SELENOF: variants seen among roughly 807,000 people sequenced by gnomAD.
SELENOF encodes selenoprotein F, also known as 15 kDa selenoprotein.
Under a neutral mutation model 20.5 loss-of-function variants are expected in SELENOF, and 16 were observed. The observed-to-expected ratio is 0.78, with a 90% CI of 0.53 to 1.19. The LOEUF (loss-of-function observed/expected upper bound fraction) is 1.19, where lower values mean the gene tolerates loss of function less well. Ranked by LOEUF, SELENOF falls within the 50% of genes most tolerant of loss-of-function variation. The pLI, the probability that SELENOF is intolerant of heterozygous loss-of-function variation, is 0.00. For missense variants in SELENOF, 215 were observed against 194.2 expected (o/e 1.11, Z -0.64); for synonymous variants, 78 against 74.5 (o/e 1.05, Z -0.24).
upstream of SELENOF, chr1:86,914,218 T>A: frequency 1.1e-6 from 1 of 928,570 alleles, no homozygotes; most frequent in Non-Finnish European, 1.8e-6. Context: ...ACATCTCTCA[T>A]TTGGAAGTGA....
At chr1:86,906,813 C>T (rs1328230393) in intron 1 of SELENOF, among the ~76,000 whole-genome samples, 2 of 152,144 alleles carry the variant, frequency 1.3e-5, no homozygotes, top group Non-Finnish European at 1.5e-5. Context: ...TGCTAACTCA[C>T]AAGATTTGAA....
chr1:86,906,779 A>G (rs1659838147), intron 1 of SELENOF, among the ~76,000 whole-genome samples: 1 of 152,212 alleles, frequency 6.6e-6, no homozygotes, highest in Non-Finnish European at 1.5e-5. Context: ...CAGACAAGCC[A>G]TCCCTGCTGT....
chr1:86,888,685 C>T (rs764021796), intron 2 of SELENOF, among the ~76,000 whole-genome samples: 29 of 152,270 alleles, frequency 1.9e-4, no homozygotes, highest in South Asian at 1.9e-3. Context: ...TTTTTTGAGA[C>T]GGAGTCTCGC....
At chr1:86,896,388 T>A (rs937252686) in intron 2 of SELENOF, among the ~76,000 whole-genome samples, 5 of 152,098 alleles carry the variant, frequency 3.3e-5, no homozygotes, top group Non-Finnish European at 5.9e-5. Flanking sequence ...CATAAGCAAG[T>A]TCAAGTGCAC....
Position 86,884,279 on chromosome 1 carries a change from T to C in SELENOF, c.253-3554A>G, listed in dbSNP as rs146825593. Among the ~76,000 whole-genome samples the C allele has an allele frequency of 2.0e-5, 3 of 152,126 alleles. No individual in the cohort carries two copies. The East Asian group carries it at 5.8e-4, about 29-fold the overall frequency. On this transcript the variant is annotated intron_variant, in intron 2 of 4. Coordinates refer to ENST00000331835, the MANE Select transcript of SELENOF (RefSeq NM_004261.5). ...AAAAGAAAATGGATGGAACTCAAAGTTGCAGAGCATTATTAAAAGTCAAAC... is the reference window on the plus strand; with the variant it reads ...AAAAGAAAATGGATGGAACTCAAAGCTGCAGAGCATTATTAAAAGTCAAAC...
At chr1:86,885,053 T>C (rs1375528142) in intron 2 of SELENOF, among the ~76,000 whole-genome samples, 1 of 152,204 alleles carries the variant, frequency 6.6e-6, no homozygotes, top group African/African-American at 2.4e-5. Context: ...TTTTAAAATA[T>C]GCGAATTTCC....
At chr1:86,914,231 G>A (rs1660077548), upstream of SELENOF, 2 of 839,812 alleles carry the variant, frequency 2.4e-6, no homozygotes, top group Non-Finnish European at 4.0e-6. Flanking sequence ...GGAAGTGACA[G>A]GTATTAAATA....
chr1:86,914,538 CG>C (rs917701695), upstream of SELENOF: 79 of 168,420 alleles, frequency 4.7e-4, no homozygotes, highest in East Asian at 9.5e-4. Context: ...CGGACCCGAA[CG>C]GGGGGAGGGG....
chr1:86,872,932 C>T (rs1271397663), intron 3 of SELENOF, among the ~76,000 whole-genome samples: 2 of 152,026 alleles, frequency 1.3e-5, no homozygotes, highest in Non-Finnish European at 2.9e-5. Context: ...CGCGGCTACT[C>T]CGGAGGCTGA....
chr1:86,869,909 T>G (rs797940), intron 3 of SELENOF, among the ~76,000 whole-genome samples: 147,569 of 151,988 alleles, frequency 0.97, 71,668 homozygotes, highest in East Asian at 1. Context: ...CAAGCAGCAG[T>G]GACTACAGAC....
At position 86,914,032 on chromosome 1, in the gene SELENOF, T is replaced by G. The variant is rs748618333; in HGVS notation, c.80A>C (p.Gln27Pro). ...GLRLLLATVL[Q>P]AVSAFGAEFS... The stretch of plus-strand genomic sequence containing the variant: ...GCGAAGGTGATCTACACTCACCGCT[T>G]GAAGCACAGTCGCCAACAACAACCG... The change falls in exon 1 of 5, where the codon CAA becomes CCA. Residue 27 changes from glutamine (Q) to proline (P), a missense_variant. By Grantham distance (76) the Gln-to-Pro change is moderately conservative. Coordinates refer to ENST00000331835, the MANE Select transcript of SELENOF (RefSeq NM_004261.5). 4 of 1,613,774 alleles carry G rather than the reference T, an allele frequency of 2.5e-6. No homozygotes were observed. The South Asian group carries it at 3.3e-5, about 13-fold the overall frequency.
chr1:86,883,944 A>G, intron 2 of SELENOF, among the ~76,000 whole-genome samples: 1 of 152,228 alleles, frequency 6.6e-6, no homozygotes. Context: ...ATGAGCAGGC[A>G]GCTCAGATGT....
At chr1:86,901,488 C>T (rs943814791) in intron 2 of SELENOF, among the ~76,000 whole-genome samples, 4 of 149,552 alleles carry the variant, frequency 2.7e-5, no homozygotes, top group Non-Finnish European at 4.4e-5. Flanking sequence ...ATAAAAAGTA[C>T]ATCTTAGAGA....
chr1:86,901,642 G>C (rs1659708505), intron 2 of SELENOF, among the ~76,000 whole-genome samples: 1 of 152,142 alleles, frequency 6.6e-6, no homozygotes, highest in Admixed American at 6.5e-5. Flanking sequence ...TTTTATTGCT[G>C]AGCTGCAACT....
intron 2 of SELENOF, among the ~76,000 whole-genome samples, chr1:86,895,578 G>T (rs1428495895): frequency 6.6e-6 from 1 of 152,150 alleles, no homozygotes; most frequent in Non-Finnish European, 1.5e-5. Flanking sequence ...AAGAACACTC[G>T]CTGAGTAGCA....
chr1:86,872,010 T>A (rs1658782346), intron 3 of SELENOF, among the ~76,000 whole-genome samples: 1 of 152,272 alleles, frequency 6.6e-6, no homozygotes, highest in African/African-American at 2.4e-5. Flanking sequence ...TTAATAACTT[T>A]CGGTATACAA....
intron 2 of SELENOF, among the ~76,000 whole-genome samples, chr1:86,900,642 GGGGAAA>G (rs904595137): frequency 1.3e-5 from 2 of 150,400 alleles, no homozygotes; most frequent in Admixed American, 6.6e-5. Context: ...GGGAGACCGT[GGGGAAA>G]GGGAGAGGGA....
intron 2 of SELENOF, among the ~76,000 whole-genome samples, chr1:86,893,450 CAAAAAAAAAA>C (rs10714134): frequency 1.1e-5 from 1 of 90,528 alleles, no homozygotes; most frequent in African/African-American, 3.6e-5. Context: ...TACTAAAATA[CAAAAAAAAAA>C]AAAAAAAAAT....
At chr1:86,902,004 C>A (rs1372442154) in intron 2 of SELENOF, among the ~76,000 whole-genome samples, 1 of 151,978 alleles carries the variant, frequency 6.6e-6, no homozygotes, top group Non-Finnish European at 1.5e-5. Context: ...GTAGTACAGC[C>A]CATAGAACAG....
Sources: allele counts gnomAD v4.1 joint callset (sites outside exome capture counted in the v4.1 genomes callset), GRCh38; gene constraint gnomAD v4.1.1; transcripts MANE v1.5; gene names NCBI Gene and HGNC (gene_info 2026-07-23, HGNC 2026-07-21).